The following TMEM260 variants were observed in gnomAD, a reference collection of about 807,000 sequenced individuals.
TMEM260 encodes protein O-mannosyl-transferase TMEM260.
A neutral mutation model predicts 88.9 loss-of-function variants in TMEM260; 82 were observed. The observed-to-expected ratio is 0.92, with a 90% CI of 0.77 to 1.11. The LOEUF (loss-of-function observed/expected upper bound fraction) is 1.11. Among genes scored for constraint, TMEM260 ranks in the 50% least tolerant of loss-of-function variants. The pLI is 0.00. For synonymous variants in TMEM260, 314 were observed against 309.3 expected (o/e 1.02, Z -0.16); for missense variants, 902 against 853.4 (o/e 1.06, Z -0.71).
intron 15 of TMEM260, among the ~76,000 whole-genome samples, chr14:56,642,614 C>G (rs1889680573): frequency 1.3e-5 from 2 of 152,032 alleles, no homozygotes; most frequent in African/African-American, 2.4e-5. Flanking sequence ...GAAGCAAGAG[C>G]AAACACATTC....
At chr14:56,605,837 A>G (rs1454113168) in intron 5 of TMEM260, among the ~76,000 whole-genome samples, 154 bp downstream of exon 5, 1 of 152,242 alleles carries the variant, frequency 6.6e-6, no homozygotes, top group Non-Finnish European at 1.5e-5. Context: ...TGAAAAAAAT[A>G]GGATTTACAA....
intron 3 of TMEM260, among the ~76,000 whole-genome samples, chr14:56,595,788 A>G (rs956929861): frequency 6.6e-6 from 1 of 152,202 alleles, no homozygotes; most frequent in African/African-American, 2.4e-5. Flanking sequence ...TGCCCAGTCT[A>G]TATTTTATTA....
chr14:56,606,694 C>G (rs1886923725), intron 5 of TMEM260, among the ~76,000 whole-genome samples: 1 of 152,100 alleles, frequency 6.6e-6, no homozygotes, highest in Non-Finnish European at 1.5e-5. Flanking sequence ...GAGTTCGAGA[C>G]CAGCCTGGGC....
intron 1 of TMEM260, 73 bp downstream of exon 1, chr14:56,580,147 C>G (rs979296936): frequency 3.3e-6 from 4 of 1,207,148 alleles, no homozygotes; most frequent in Non-Finnish European, 4.2e-6. Context: ...TGCGTCTGGC[C>G]CCTGCTCTTG....
intron 15 of TMEM260, 94 bp downstream of exon 15, chr14:56,636,692 T>A (rs1488802726): frequency 3.8e-6 from 4 of 1,046,914 alleles, no homozygotes; most frequent in South Asian, 2.9e-5. Flanking sequence ...ACATTAGAAT[T>A]TTTATTATTT....
chr14:56,621,637 A>C lies in TMEM260; in HGVS notation c.1333A>C (p.Asn445His). The change falls in exon 11 of 16, where the codon AAT (asparagine) becomes CAT (histidine). Residue 445 changes from asparagine (N) to histidine (H), a missense_variant. Coordinates refer to ENST00000261556, the MANE Select transcript of TMEM260 (RefSeq NM_017799.4). ...CTTACTCAGAGGAGATTTGCCAGGA[A>C]ATTCTCTCCGTTACATGCATTACTG... ...IILLRGDLPG[N>H]SLRYMHYCEG... is the part of the protein sequence containing the mutation. The C allele has an allele frequency of 1.2e-6, 2 of 1,613,466 alleles. No homozygotes were observed. Among genetic ancestry groups the C allele is most frequent in the Middle Eastern group, 1.7e-4 (1 of 6,058 alleles).
intron 3 of TMEM260, among the ~76,000 whole-genome samples, chr14:56,595,205 T>C (rs1886129126): frequency 6.6e-6 from 1 of 152,226 alleles, no homozygotes; most frequent in Admixed American, 6.5e-5. Flanking sequence ...TGCCTTCAGA[T>C]ATATTTGTAG....
In TMEM260 at chr14:56,615,946, C is replaced by A. The variant is rs765445625; in HGVS notation, c.860C>A (p.Ser287Tyr). The change falls in exon 8 of 16, where the codon TCT (serine) becomes TAT (tyrosine). Residue 287 changes from serine (S) to tyrosine (Y), a missense_variant and splice_region_variant. Coordinates refer to ENST00000261556, the MANE Select transcript of TMEM260 (RefSeq NM_017799.4). ...IGSSMSEILL[S>Y]QVTNMRTELS... ...ATAAGTTAGATTGTTTTTTGCAGTT[C>A]TCAAGTAACAAATATGAGGACCGAA... 1.2e-6 allele frequency: 2 copies of A among 1,610,450 alleles called. No individual in the cohort carries two copies. Among genetic ancestry groups the A allele is most frequent in the Non-Finnish European group, 8.5e-7 (1 of 1,177,438 alleles).
In TMEM260 at chr14:56,631,622, CA is replaced by C. The variant is rs138991627; in HGVS notation, c.1548-1357del. Among the ~76,000 whole-genome samples, 754 of 116,774 alleles carry C rather than the reference CA, an allele frequency of 6.5e-3. 5 individuals are homozygous for C. The highest frequency in any genetic ancestry group is 0.013 in the African/African-American group (399 of 31,286). The allele number at this position is 116,774 out of a possible 152,430, so 76.6% of individuals were successfully genotyped here. A position where few individuals can be genotyped will look rare whatever the true frequency, so the allele number is the denominator to read the frequency against. On this transcript the variant is annotated intron_variant, in intron 12 of 15. Coordinates refer to ENST00000261556, the MANE Select transcript of TMEM260 (RefSeq NM_017799.4). ...TGGGCTACAAAGCAAGACTCTGTCT[CA>C]AAAAAAAAAAAAAAAGAGACTGTGC...
chr14:56,604,185 G>A (rs1406083826), intron 4 of TMEM260, among the ~76,000 whole-genome samples, 193 bp downstream of exon 4: 5 of 151,944 alleles, frequency 3.3e-5, no homozygotes, highest in South Asian at 2.1e-4. Flanking sequence ...AAAACATGGC[G>A]CTTTTCTTCC....
intron 7 of TMEM260, chr14:56,613,245 A>C (rs1887394922): frequency 6.6e-6 from 1 of 151,322 alleles, no homozygotes; most frequent in South Asian, 2.1e-4. Flanking sequence ...GGGCTGTTTG[A>C]AAAAAAACTA....
Position 56,617,290 on chromosome 14 carries a change from T to A in TMEM260, c.1049T>A (p.Met350Lys). The A allele has an allele frequency of 1.3e-6, 2 of 1,589,650 alleles. No homozygotes were observed. The highest frequency in any genetic ancestry group is 1.7e-4 in the Middle Eastern group (1 of 6,004). Residue 350 changes from methionine (M) to lysine (K), a missense_variant, in exon 9 of 16, where the codon ATG becomes AAG. Coordinates refer to ENST00000261556, the MANE Select transcript of TMEM260 (RefSeq NM_017799.4). ...ANLDISKPLF[M>K]GVVERFWMQS... ...TTAGATATTTCAAAACCACTTTTCATGGGTGTGGTAAGTTTTACTTAGATA... is the reference window on the plus strand; with the variant it reads ...TTAGATATTTCAAAACCACTTTTCAAGGGTGTGGTAAGTTTTACTTAGATA...
chr14:56,614,312 C>T (rs1244383384), intron 7 of TMEM260, among the ~76,000 whole-genome samples: 2 of 151,078 alleles, frequency 1.3e-5, no homozygotes, highest in South Asian at 2.1e-4. Flanking sequence ...CCCAGGAGGT[C>T]GAGGCTGCAG....
intron 3 of TMEM260, among the ~76,000 whole-genome samples, chr14:56,594,031 A>G (rs191014466): frequency 1.2e-4 from 19 of 152,174 alleles, no homozygotes; most frequent in Admixed American, 1.2e-3. Context: ...TAAAATTATC[A>G]TAGTGGTGGT....
chr14:56,610,508 C>T (rs28379806), intron 6 of TMEM260, among the ~76,000 whole-genome samples: 10,318 of 152,124 alleles, frequency 0.068, 425 homozygotes, highest in East Asian at 0.16. Flanking sequence ...TCCCAAAGTG[C>T]GGGGATTACA....
downstream of TMEM260, among the ~76,000 whole-genome samples, chr14:56,651,920 C>T (rs1002470353): frequency 7.9e-5 from 12 of 152,314 alleles, no homozygotes; most frequent in African/African-American, 2.4e-4. Context: ...AAACCATAAT[C>T]ATCTTCTATT....
rs528291687 is a variant in TMEM260 at position 56,617,072 on chromosome 14, C to T, written c.942-111C>T. 74 of 553,584 alleles carry T rather than the reference C, an allele frequency of 1.3e-4. No homozygotes were observed. In the South Asian group the frequency reaches 3.5e-3, roughly 26 times the overall value. The allele number at this position is 553,584 out of a possible 1,614,324, so 34.3% of individuals were successfully genotyped here. A position where few individuals can be genotyped will look rare whatever the true frequency, so the allele number is the denominator to read the frequency against. On this transcript the variant is annotated intron_variant, in intron 8 of 15. Transcript: ENST00000261556. Reference sequence around the variant, plus strand: ...TAAAAACCGAAATCTCTCTTTGCTCCTAGTTAAAAATGGAAAGTTTTTATA... The same window carrying T: ...TAAAAACCGAAATCTCTCTTTGCTCTTAGTTAAAAATGGAAAGTTTTTATA...
At chr14:56,589,384 CT>C (rs1885711661) in intron 3 of TMEM260, among the ~76,000 whole-genome samples, 1 of 152,024 alleles carries the variant, frequency 6.6e-6, no homozygotes, top group African/African-American at 2.4e-5. Context: ...TTGTTGAAGA[CT>C]CATGTGAATT....
At chr14:56,600,994 T>G (rs1293052199) in intron 3 of TMEM260, among the ~76,000 whole-genome samples, 1 of 152,116 alleles carries the variant, frequency 6.6e-6, no homozygotes, top group African/African-American at 2.4e-5. Context: ...TTGACCTTAG[T>G]GGGGAGATGG....
Sources: allele counts gnomAD v4.1 joint callset (sites outside exome capture counted in the v4.1 genomes callset), GRCh38; gene constraint gnomAD v4.1.1; transcripts MANE v1.5; gene names NCBI Gene and HGNC (gene_info 2026-07-23, HGNC 2026-07-21).